CRTC1: variants seen among roughly 807,000 people sequenced by gnomAD.
CRTC1 encodes the protein CREB-regulated transcription coactivator 1.
In CRTC1, 18 loss-of-function variants were observed where a neutral mutation model predicts 66.1. That is an observed-to-expected ratio of 0.27 (90% confidence interval 0.19 to 0.40). CRTC1 has a LOEUF of 0.40. CRTC1 is among the 10% of genes least tolerant of loss of function. The pLI is 1.00. For missense variants in CRTC1, 669 were observed against 887.9 expected (o/e 0.75, Z 3.13); for synonymous variants, 416 against 398.8 (o/e 1.04, Z -0.51).
intron 8 of CRTC1, among the ~76,000 whole-genome samples, chr19:18,764,133 C>G (rs1463967986): frequency 1.3e-5 from 2 of 152,210 alleles, no homozygotes; most frequent in Non-Finnish European, 2.9e-5. Flanking sequence ...CTGCCCTGGG[C>G]ACGGACAAGG....
At chr19:18,733,907 A>G (rs2053942672) in intron 1 of CRTC1, among the ~76,000 whole-genome samples, 1 of 152,138 alleles carries the variant, frequency 6.6e-6, no homozygotes, top group Non-Finnish European at 1.5e-5. Context: ...TCAAGAGTTC[A>G]AGACCAGCCT....
At chr19:18,707,232 T>C (rs1374319350) in intron 1 of CRTC1, among the ~76,000 whole-genome samples, 2 of 152,206 alleles carry the variant, frequency 1.3e-5, no homozygotes, top group Non-Finnish European at 2.9e-5. Context: ...TTTACTTTTA[T>C]AGTTTTAGCT....
chr19:18,745,792 C>G (rs1177596470), intron 2 of CRTC1, 31 bp from the exon 3 acceptor site: 1 of 1,613,110 alleles, frequency 6.2e-7, no homozygotes, highest in African/African-American at 1.3e-5. Context: ...TTGGATTTCT[C>G]TCTCTCTGTT....
chr19:18,688,691 G>T (rs139983025), intron 1 of CRTC1, among the ~76,000 whole-genome samples: 1 of 152,072 alleles, frequency 6.6e-6, no homozygotes, highest in East Asian at 1.9e-4. Flanking sequence ...GCCCACCTCG[G>T]CCTCTCGGAA....
chr19:18,768,735 TCC>T lies in CRTC1; in HGVS notation c.1266_1267del (p.Gln423ValfsTer27). ...CTTGCAGTCACGGTACCGTCCTCTC[TCC>T]CCCAGTCCCCCCCAGAGAACCCTGG... On this transcript the variant is annotated frameshift_variant, in exon 10 of 14. Coordinates refer to ENST00000321949, the MANE Select transcript of CRTC1 (RefSeq NM_015321.3). LOFTEE classifies it high-confidence loss of function. The surrounding 1 kb of genome is among the most constrained non-coding windows in gnomAD (Gnocchi z 5.6). 6.3e-7 allele frequency: 1 copy of T among 1,597,530 alleles called. No individual in the cohort carries two copies.
intron 4 of CRTC1, 67 bp from the exon 5 acceptor site, chr19:18,749,714 G>T: frequency 7.6e-7 from 1 of 1,319,694 alleles, no homozygotes; most frequent in South Asian, 1.2e-5. Flanking sequence ...TGTCCCAGCT[G>T]GGATCAGGAC....
chr19:18,747,135 C>CCG, intron 4 of CRTC1, 21 bp downstream of exon 4: 1 of 853,548 alleles, frequency 1.2e-6, no homozygotes, highest in Non-Finnish European at 1.8e-6. Context: ...GGACACCCCC[C>CCG]CCCCGCCCCC....
At chr19:18,764,783 G>C (rs1015046179) in intron 8 of CRTC1, among the ~76,000 whole-genome samples, 1 of 152,208 alleles carries the variant, frequency 6.6e-6, no homozygotes, top group African/African-American at 2.4e-5. Context: ...GATAGCAGGT[G>C]CTCAGGTCTG....
chr19:18,698,880 T>TAGG (rs2053063425), intron 1 of CRTC1, among the ~76,000 whole-genome samples: 1 of 147,434 alleles, frequency 6.8e-6, no homozygotes, highest in Non-Finnish European at 1.5e-5. Context: ...GTGTACTCAG[T>TAGG]AGGCGCAGTG....
intron 8 of CRTC1, among the ~76,000 whole-genome samples, chr19:18,762,766 G>C (rs1017402824): frequency 6.6e-6 from 1 of 152,232 alleles, no homozygotes; most frequent in African/African-American, 2.4e-5. Flanking sequence ...CAACAGCAAG[G>C]CTCCCGTCCG....
chr19:18,722,288 G>C (rs1346360676), intron 1 of CRTC1, among the ~76,000 whole-genome samples: 2 of 152,220 alleles, frequency 1.3e-5, no homozygotes, highest in African/African-American at 4.8e-5. Flanking sequence ...AGGCATGCCA[G>C]GTGCCTCCCA....
chr19:18,721,408 T>C (rs1247299840), intron 1 of CRTC1, among the ~76,000 whole-genome samples: 1 of 151,496 alleles, frequency 6.6e-6, no homozygotes. Flanking sequence ...TTAGCCAGGA[T>C]GGTCTCGATT....
At chr19:18,774,331 T>C (rs2054935922) in intron 11 of CRTC1, among the ~76,000 whole-genome samples, 1 of 152,198 alleles carries the variant, frequency 6.6e-6, no homozygotes, top group South Asian at 2.1e-4. Flanking sequence ...CCTGCTGGCC[T>C]CAGATAGCAG....
In CRTC1 at chr19:18,723,797, CAGAT is replaced by C. The variant is rs893486055; in HGVS notation, c.127-19112_127-19109del. 5.9e-5 allele frequency among the ~76,000 whole-genome samples: 9 copies of C among 152,206 alleles called. 1 individual carries two copies. The highest frequency in any genetic ancestry group is 5.9e-4 in the Admixed American group (9 of 15,284). ...AGTTGCCCTGCAGGGACACTGGTCT[CAGAT>C]GGAGTGAGACAGCCCCTGCGTCGAC... On this transcript the variant is annotated intron_variant, in intron 1 of 13. Coordinates refer to ENST00000321949, the MANE Select transcript of CRTC1 (RefSeq NM_015321.3).
At chr19:18,700,812 G>T (rs1389266505) in intron 1 of CRTC1, among the ~76,000 whole-genome samples, 2 of 152,340 alleles carry the variant, frequency 1.3e-5, no homozygotes, top group Admixed American at 6.5e-5. Flanking sequence ...GGCTGCAGGG[G>T]TCTGCAGAAC....
At chr19:18,708,275 AG>A (rs2053310213) in intron 1 of CRTC1, among the ~76,000 whole-genome samples, 2 of 152,064 alleles carry the variant, frequency 1.3e-5, no homozygotes, top group Admixed American at 1.3e-4. Context: ...TGGGGTGGGG[AG>A]GGGTGACCCA....
At chr19:18,744,082 A>G in intron 2 of CRTC1, 1 of 1,612,528 alleles carries the variant, frequency 6.2e-7, no homozygotes, top group South Asian at 1.1e-5. Flanking sequence ...GCAGCGTCTC[A>G]AAGTCTCGGT....
Position 18,760,248 on chromosome 19 carries a change from C to T in CRTC1, c.886+20C>T. 6.4e-7 allele frequency: 1 copy of T among 1,552,230 alleles called. No homozygotes were observed. Among genetic ancestry groups the T allele is most frequent in the Non-Finnish European group, 8.7e-7 (1 of 1,146,276 alleles). On this transcript the variant is annotated intron_variant, in intron 8 of 13. Coordinates refer to ENST00000321949, the MANE Select transcript of CRTC1 (RefSeq NM_015321.3). This position sits in a 1 kb window ranked among gnomAD's most constrained non-coding sequence, Gnocchi z 6.2. The stretch of plus-strand genomic sequence containing the variant: ...GCCAGGGTAAGGCAGGGACACTCCG[C>T]CCTCGGACAGAGCACTGGCTTGTGG...
chr19:18,774,454 C>T (rs757683489), intron 11 of CRTC1, among the ~76,000 whole-genome samples: 1 of 152,228 alleles, frequency 6.6e-6, no homozygotes, highest in East Asian at 1.9e-4. Flanking sequence ...TGTCCATGTA[C>T]GTGGCCTGCG....
Sources: allele counts gnomAD v4.1 joint callset (sites outside exome capture counted in the v4.1 genomes callset), GRCh38; gene constraint gnomAD v4.1.1; non-coding constraint Gnocchi (gnomAD v3.1); transcripts MANE v1.5; gene names NCBI Gene and HGNC (gene_info 2026-07-23, HGNC 2026-07-21).